The following EYS variants were observed in gnomAD, a reference collection of about 807,000 sequenced individuals.
The protein encoded by EYS is protein eyes shut homolog.
A neutral mutation model predicts 282.1 loss-of-function variants in EYS; 250 were observed. That is an observed-to-expected ratio of 0.89 (90% CI 0.80 to 0.98). The LOEUF is 0.98. EYS is among the 50% of genes least tolerant of loss of function. The pLI is 0.00. For synonymous variants in EYS, 1,355 were observed against 1,282.9 expected, an observed-to-expected ratio of 1.06 and a Z score of -1.20; for missense variants, 4,016 against 3,709.0, an observed-to-expected ratio of 1.08 and a Z score of -2.15.
intron 12 of EYS, among the ~76,000 whole-genome samples, chr6:65,114,401 A>C (rs2150191148): frequency 6.6e-6 from 1 of 150,786 alleles, no homozygotes; most frequent in African/African-American, 2.4e-5. Context: ...TAGTTCCAGA[A>C]GGACTTGAAC....
Position 65,197,749 on chromosome 6 carries a change from T to G in EYS, c.2023+98114A>C, listed in dbSNP as rs190333318. The stretch of plus-strand genomic sequence containing the variant: ...ACATACCTAAACAGAAAACATACAG[T>G]AAAAATTCAGTATAGAAGATTAAAA... On this transcript the variant is annotated intron_variant, in intron 12 of 42. Transcript: ENST00000503581. Among the ~76,000 whole-genome samples the G allele has an allele frequency of 2.0e-5, 3 of 152,112 alleles. No homozygotes were observed. The East Asian group carries it at 5.8e-4, about 30-fold the overall frequency.
At chr6:64,986,897 T>G (rs1166633910) in intron 14 of EYS, among the ~76,000 whole-genome samples, 1 of 151,254 alleles carries the variant, frequency 6.6e-6, no homozygotes, top group African/African-American at 2.4e-5. Flanking sequence ...TGGTGGCAAA[T>G]GACAGAAATC....
At chr6:63,934,122 T>C (rs920008961) in intron 35 of EYS, among the ~76,000 whole-genome samples, 6 of 152,156 alleles carry the variant, frequency 3.9e-5, no homozygotes, top group Admixed American at 3.9e-4. Context: ...AAGAAGACAC[T>C]TATGCAGCCA....
chr6:64,247,784 A>G (rs775514957), intron 30 of EYS, among the ~76,000 whole-genome samples: 65 of 152,350 alleles, frequency 4.3e-4, no homozygotes, highest in Middle Eastern at 6.8e-3. Context: ...TAAATGTACA[A>G]TGAGAAAACA....
chr6:64,945,666 G>A, intron 15 of EYS, 127 bp downstream of exon 15: 1 of 791,378 alleles, frequency 1.3e-6, no homozygotes, highest in South Asian at 2.8e-5. Context: ...GTCAGTAAAT[G>A]GCTCTTCATT....
intron 35 of EYS, among the ~76,000 whole-genome samples, chr6:63,959,263 G>T (rs1006678094): frequency 6.6e-6 from 1 of 152,146 alleles, no homozygotes; most frequent in African/African-American, 2.4e-5. Flanking sequence ...ATGAAAAAAA[G>T]TTCAACATCA....
chr6:64,911,465 A>G (rs940188537), intron 16 of EYS, among the ~76,000 whole-genome samples: 1 of 152,156 alleles, frequency 6.6e-6, no homozygotes, highest in Non-Finnish European at 1.5e-5. Context: ...ATCTTAAGGA[A>G]GTTTTAATGC....
intron 35 of EYS, among the ~76,000 whole-genome samples, chr6:63,893,539 G>A (rs929541199): frequency 2.0e-5 from 3 of 152,182 alleles, no homozygotes; most frequent in East Asian, 1.9e-4. Flanking sequence ...GGACATATGA[G>A]CACAGGGAGG....
In EYS at chr6:64,591,990, C is replaced by T; in HGVS notation, c.3878-1G>A. On this transcript the variant is annotated splice_acceptor_variant, in intron 25 of 42. Transcript: ENST00000503581. LOFTEE classifies it high-confidence loss of function. ...TTGACAATGCCTGTCTGTTTTGGAC[C>T]TACAAAAAGGAAAAAAGCCAAAAAG... The T allele has an allele frequency of 6.9e-7, 1 of 1,455,826 alleles. No individual in the cohort carries two copies. Among genetic ancestry groups the T allele is most frequent in the Non-Finnish European group, 9.1e-7 (1 of 1,102,638 alleles). The allele number at this position is 1,455,826 out of a possible 1,614,324, so 90.2% of individuals were successfully genotyped here. A position where few individuals can be genotyped will look rare whatever the true frequency, so the allele number is the denominator to read the frequency against.
At chr6:64,645,788 C>A (rs1015145949) in intron 22 of EYS, among the ~76,000 whole-genome samples, 3 of 151,972 alleles carry the variant, frequency 2.0e-5, no homozygotes, top group Admixed American at 1.3e-4. Context: ...TTTTTTAGTT[C>A]TCTTTTATTG....
intron 29 of EYS, among the ~76,000 whole-genome samples, chr6:64,336,679 T>C (rs1191859338): frequency 6.6e-6 from 1 of 152,048 alleles, no homozygotes; most frequent in African/African-American, 2.4e-5. Flanking sequence ...ACACATTCTA[T>C]TCAACAGCGC....
intron 35 of EYS, among the ~76,000 whole-genome samples, chr6:63,945,500 G>A (rs565666213): frequency 2.0e-5 from 3 of 152,244 alleles, no homozygotes; most frequent in Admixed American, 1.3e-4. Flanking sequence ...GGTTTAGGGA[G>A]GTTAATGGCA....
chr6:65,516,005 T>A (rs533469764), intron 2 of EYS, among the ~76,000 whole-genome samples: 22 of 151,964 alleles, frequency 1.4e-4, no homozygotes, highest in Middle Eastern at 6.8e-3. Context: ...ATATATGTAA[T>A]CCACATCCCC....
intron 26 of EYS, among the ~76,000 whole-genome samples, chr6:64,453,848 G>A (rs534436034): frequency 6.6e-6 from 1 of 152,134 alleles, no homozygotes; most frequent in Admixed American, 6.5e-5. Context: ...CACACACCGG[G>A]GACTGTTGTG....
chr6:65,439,932 T>G (rs554090638), intron 5 of EYS, among the ~76,000 whole-genome samples: 1 of 152,106 alleles, frequency 6.6e-6, no homozygotes, highest in African/African-American at 2.4e-5. Context: ...AATGGCCAGA[T>G]GAAACCAAAG....
chr6:65,055,849 G>A (rs77021521), intron 13 of EYS, among the ~76,000 whole-genome samples: 12,673 of 151,886 alleles, frequency 0.083, 697 homozygotes, highest in East Asian at 0.22. Context: ...GTTAACCTTG[G>A]TCCTGTAGCT....
intron 2 of EYS, among the ~76,000 whole-genome samples, chr6:65,507,059 T>TCTAC: frequency 6.6e-6 from 1 of 152,078 alleles, no homozygotes; most frequent in Middle Eastern, 3.4e-3. Flanking sequence ...AGATCTGAGT[T>TCTAC]TCTGACCTAT....
chr6:65,316,684 G>T (rs1769303845), intron 11 of EYS, among the ~76,000 whole-genome samples: 2 of 151,710 alleles, frequency 1.3e-5, no homozygotes, highest in Admixed American at 1.3e-4. Flanking sequence ...CTTGTGTCAT[G>T]TGTTCTCATT....
At chr6:65,475,750 CAG>C (rs1444518304) in intron 5 of EYS, among the ~76,000 whole-genome samples, 1,739 of 135,150 alleles carry the variant, frequency 0.013, 41 homozygotes, top group African/African-American at 0.045. Context: ...GACAGACAGA[CAG>C]ACAGACACAC....
Sources: allele counts gnomAD v4.1 joint callset (sites outside exome capture counted in the v4.1 genomes callset), GRCh38; gene constraint gnomAD v4.1.1; transcripts MANE v1.5; gene names NCBI Gene and HGNC (gene_info 2026-07-23, HGNC 2026-07-21).